The following FOXN3 variants were observed in gnomAD, a reference collection of about 807,000 sequenced individuals.
FOXN3 encodes forkhead box N3, also known as forkhead box protein N3.
In FOXN3, 7 loss-of-function variants were observed where a neutral mutation model predicts 38.4. The ratio of observed to expected loss-of-function variants is 0.18; its 90% CI spans 0.10 to 0.34. The LOEUF is 0.34. FOXN3 is among the 10% of genes least tolerant of loss of function. The pLI, the probability that FOXN3 is intolerant of heterozygous loss-of-function variation, is 1.00. For synonymous variants in FOXN3, 230 were observed against 242.2 expected (o/e 0.95, Z 0.47); for missense variants, 456 against 613.4 (o/e 0.74, Z 2.71).
chr14:89,409,156 C>G (rs1891467035), intron 2 of FOXN3: 1 of 152,260 alleles, frequency 6.6e-6, no homozygotes, highest in South Asian at 2.1e-4. Context: ...CTCCCAACCA[C>G]AAAACTGACT....
At chr14:89,474,136 T>C (rs553929114) in intron 1 of FOXN3, among the ~76,000 whole-genome samples, 1 of 152,254 alleles carries the variant, frequency 6.6e-6, no homozygotes, top group Non-Finnish European at 1.5e-5. Flanking sequence ...GATTTACTGT[T>C]TTAGCCATCA....
chr14:89,297,399 A>T (rs1316523075), intron 3 of FOXN3, among the ~76,000 whole-genome samples: 1 of 152,044 alleles, frequency 6.6e-6, no homozygotes, highest in Non-Finnish European at 1.5e-5. Context: ...TCTACTAAAA[A>T]TACAAAAAAA....
intron 2 of FOXN3, among the ~76,000 whole-genome samples, chr14:89,396,547 A>G (rs1891103466): frequency 6.6e-6 from 1 of 150,572 alleles, no homozygotes; most frequent in Admixed American, 6.6e-5. Context: ...TCAAGAAGCC[A>G]CTGCTGGCTG....
At chr14:89,196,357 A>G (rs1424800231) in intron 4 of FOXN3, among the ~76,000 whole-genome samples, 1 of 152,168 alleles carries the variant, frequency 6.6e-6, no homozygotes, top group Non-Finnish European at 1.5e-5. Flanking sequence ...CAGGACGGGA[A>G]AAGCACTGCA....
At chr14:89,380,069 C>T (rs546169702) in intron 2 of FOXN3, among the ~76,000 whole-genome samples, 28 of 152,280 alleles carry the variant, frequency 1.8e-4, no homozygotes, top group African/African-American at 5.5e-4. Flanking sequence ...GATTTAGCTG[C>T]GTCCCCATCC....
At chr14:89,475,160 C>T (rs1258098261) in intron 1 of FOXN3, among the ~76,000 whole-genome samples, 1 of 152,112 alleles carries the variant, frequency 6.6e-6, no homozygotes, top group Non-Finnish European at 1.5e-5. Flanking sequence ...TAAAGTGTCC[C>T]AGAATCAAAT....
chr14:89,402,008 C>T (rs1891263610), intron 2 of FOXN3, among the ~76,000 whole-genome samples: 1 of 152,192 alleles, frequency 6.6e-6, no homozygotes, highest in African/African-American at 2.4e-5. Context: ...CACACACATA[C>T]ACAAATCAAA....
chr14:89,563,894 G>A (rs1895297505), intron 1 of FOXN3, among the ~76,000 whole-genome samples: 2 of 152,138 alleles, frequency 1.3e-5, no homozygotes. Flanking sequence ...CTATCCCCCA[G>A]GCTGGAGCAC....
At chr14:89,528,659 G>A (rs1407738718) in intron 1 of FOXN3, among the ~76,000 whole-genome samples, 1 of 149,172 alleles carries the variant, frequency 6.7e-6, no homozygotes, top group African/African-American at 2.6e-5. Flanking sequence ...GCCTCCCAAC[G>A]TGCTGGGATT....
In FOXN3 at chr14:89,162,388, G is replaced by A; in HGVS notation, c.*26C>T. The A allele has an allele frequency of 6.6e-7, 1 of 1,516,656 alleles. No homozygotes were observed. The highest frequency in any genetic ancestry group is 1.4e-5 in the African/African-American group (1 of 71,694). 93.9% of individuals were successfully genotyped at this position (1,516,656 alleles called of 1,614,324 possible). ...ACATGCTGAAACCAAATGGTCGTAA[G>A]TTCAAAACAAATCAGTGACTTGTTT... On this transcript the variant is annotated 3_prime_UTR_variant, in exon 6 of 6. Transcript: ENST00000557258. The surrounding 1 kb of genome is among the most constrained non-coding windows in gnomAD (Gnocchi z 7.2).
chr14:89,296,558 G>A (rs1341883585), intron 3 of FOXN3, among the ~76,000 whole-genome samples: 3 of 152,188 alleles, frequency 2.0e-5, no homozygotes, highest in African/African-American at 7.2e-5. Context: ...CAGTCTAGTA[G>A]GGCCAGTTTG....
At chr14:89,199,951 C>A (rs552109173) in intron 4 of FOXN3, among the ~76,000 whole-genome samples, 7 of 152,186 alleles carry the variant, frequency 4.6e-5, no homozygotes, top group African/African-American at 1.7e-4. Context: ...AAAAACTGCA[C>A]TATTTTATAC....
At chr14:89,449,386 A>C (rs1748472518) in intron 1 of FOXN3, among the ~76,000 whole-genome samples, 1 of 152,192 alleles carries the variant, frequency 6.6e-6, no homozygotes, top group African/African-American at 2.4e-5. Context: ...ATACCTACAC[A>C]ATACAGAGGT....
intron 4 of FOXN3, among the ~76,000 whole-genome samples, chr14:89,249,786 G>C (rs931420286): frequency 5.9e-5 from 9 of 152,344 alleles, no homozygotes; most frequent in African/African-American, 2.2e-4. Context: ...TGACTGCAGA[G>C]GAGGGACAGG....
chr14:89,168,870 A>G (rs1887312128), intron 5 of FOXN3, among the ~76,000 whole-genome samples: 1 of 152,252 alleles, frequency 6.6e-6, no homozygotes, highest in South Asian at 2.1e-4. Context: ...AGTAGTAGAA[A>G]GAAAACGTAT....
At chr14:89,184,019 C>T (rs1025046621) in intron 4 of FOXN3, 1 of 152,164 alleles carries the variant, frequency 6.6e-6, no homozygotes, top group Non-Finnish European at 1.5e-5. Context: ...TCATCAATAT[C>T]GTCATCATCA....
At position 89,164,639 on chromosome 14, in the gene FOXN3, C is replaced by T. The variant is rs941800643; in HGVS notation, c.852-1670G>A. ...ACACAGCAGATAAACTGAGGAAGTG[C>T]GGCACAGGTGGAATCACGTGGCTGA... On this transcript the variant is annotated intron_variant, in intron 5 of 5. Transcript: ENST00000557258. The surrounding 1 kb of genome is among the most constrained non-coding windows in gnomAD (Gnocchi z 4.3). 4.6e-5 allele frequency among the ~76,000 whole-genome samples: 7 copies of T among 152,264 alleles called. No homozygotes were observed. The highest frequency in any genetic ancestry group is 1.9e-4 in the East Asian group (1 of 5,174).
intron 1 of FOXN3, among the ~76,000 whole-genome samples, chr14:89,519,514 G>C (rs897333327): frequency 2.0e-5 from 3 of 152,184 alleles, no homozygotes; most frequent in African/African-American, 7.2e-5. Context: ...AACAGTGAAG[G>C]TGGTATTTTA....
chr14:89,166,456 T>G (rs1887245222), intron 5 of FOXN3, among the ~76,000 whole-genome samples: 2 of 152,098 alleles, frequency 1.3e-5, no homozygotes, highest in African/African-American at 2.4e-5. Flanking sequence ...ATTGGAACAC[T>G]GGCCTACTTA....
Sources: allele counts gnomAD v4.1 joint callset (sites outside exome capture counted in the v4.1 genomes callset), GRCh38; gene constraint gnomAD v4.1.1; non-coding constraint Gnocchi (gnomAD v3.1); transcripts MANE v1.5; gene names NCBI Gene and HGNC (gene_info 2026-07-23, HGNC 2026-07-21).